The following EIF4G2 variants were observed in gnomAD, a reference collection of about 807,000 sequenced individuals.
The protein encoded by EIF4G2 is DAP-5.
EIF4G2 carries 8 observed loss-of-function variants against 117.7 expected under a neutral mutation model. The ratio of observed to expected loss-of-function variants is 0.07; its 90% CI spans 0.04 to 0.12. The LOEUF is 0.12. EIF4G2 is among the 10% of genes least tolerant of loss of function. The pLI, the probability that EIF4G2 is intolerant of heterozygous loss-of-function variation, is 1.00. For synonymous variants in EIF4G2, 413 were observed against 367.8 expected, an observed-to-expected ratio of 1.12 and a Z score of -1.41; for missense variants, 812 against 1,086.2, an observed-to-expected ratio of 0.75 and a Z score of 3.55.
chr11:10,807,122 A>G, intron 2 of EIF4G2, 133 bp downstream of exon 2: 1 of 1,357,732 alleles, frequency 7.4e-7, no homozygotes, highest in Non-Finnish European at 1.0e-6. Context: ...CAGTTCTTAG[A>G]AGGCTGTCAA....
rs1847586149 is a variant in EIF4G2, at chr11:10,806,806, C to G, written c.107+14G>C. On this transcript the variant is annotated intron_variant, in intron 3 of 21. Transcript: ENST00000339995. ...TTAAATAAAGCTCACTGTTTTTTTACATGTTTACCACACCTGTTGCCAGCA... is the reference window on the plus strand; with the variant it reads ...TTAAATAAAGCTCACTGTTTTTTTAGATGTTTACCACACCTGTTGCCAGCA... 1 of 1,613,316 alleles carries G rather than the reference C, an allele frequency of 6.2e-7. No homozygotes were observed. Among genetic ancestry groups the G allele is most frequent in the Non-Finnish European group, 8.5e-7 (1 of 1,179,530 alleles).
chr11:10,804,858 AGTT>A lies in EIF4G2; in HGVS notation c.351+52_351+54del. The A allele has an allele frequency of 2.8e-6, 4 of 1,443,380 alleles. No individual in the cohort carries two copies. In the Admixed American group the frequency reaches 6.9e-5, roughly 25 times the overall value. 89.4% of individuals were successfully genotyped at this position (1,443,380 alleles called of 1,614,324 possible). On this transcript the variant is annotated intron_variant, in intron 5 of 21. Transcript: ENST00000339995. The stretch of plus-strand genomic sequence containing the variant: ...TCCAAGTGTAAAAAAACACAACTTG[AGTT>A]TGTTAAACAGTTCCCTCTCCCTTTT...
rs1847605519 is a variant in EIF4G2, at chr11:10,807,307, G to C, written c.-12C>G. On this transcript the variant is annotated 5_prime_UTR_variant, in exon 2 of 22. Coordinates refer to ENST00000339995, the MANE Select transcript of EIF4G2 (RefSeq NM_001418.4). ...ATCGCACTCTCCACTTTGGCGGCTT[G>C]ACAACGAAGAATCTTCAAAAGAATA... 3 of 1,592,326 alleles carry C rather than the reference G, an allele frequency of 1.9e-6. No homozygotes were observed. The highest frequency in any genetic ancestry group is 2.6e-6 in the Non-Finnish European group (3 of 1,168,474).
intron 14 of EIF4G2, 88 bp downstream of exon 14, chr11:10,801,573 C>A: frequency 8.5e-7 from 1 of 1,174,506 alleles, no homozygotes; most frequent in Non-Finnish European, 1.3e-6. Context: ...GCATAAAGTC[C>A]TCTTAATAAC....
intron 2 of EIF4G2, 125 bp from the exon 3 acceptor site, chr11:10,807,010 G>T: frequency 8.1e-7 from 1 of 1,233,856 alleles, no homozygotes. Context: ...CCAGACTGGA[G>T]CCAGGCCTGT....
Position 10,802,109 on chromosome 11 carries a change from G to A in EIF4G2, c.1239C>T (p.His413=), listed in dbSNP as rs148508684. 1.7e-6 allele frequency: 2 copies of A among 1,171,206 alleles called. No homozygotes were observed. The highest frequency in any genetic ancestry group is 3.8e-5 in the African/African-American group (1 of 25,988). 72.6% of individuals were successfully genotyped at this position (1,171,206 alleles called of 1,614,324 possible). The stretch of plus-strand genomic sequence containing the variant: ...ACTGCGATTGTGTGGGAGGCATGAT[G>A]TGTCCCCCATGGCCATTGAAGAGTT... Residue 413 remains histidine (H), a synonymous_variant, in exon 13 of 22, where the codon CAC becomes CAT. Transcript: ENST00000339995.
chr11:10,800,924 G>A (rs1224637973), intron 15 of EIF4G2, 38 bp downstream of exon 15: 1 of 1,612,482 alleles, frequency 6.2e-7, no homozygotes, highest in Non-Finnish European at 8.5e-7. Flanking sequence ...AAAGTCTTCA[G>A]ATATCTTTAG....
rs764256258 is a variant in EIF4G2, at chr11:10,797,509, A to G, written c.*307T>C. On this transcript the variant is annotated 3_prime_UTR_variant, in exon 22 of 22. Coordinates refer to ENST00000339995, the MANE Select transcript of EIF4G2 (RefSeq NM_001418.4). The surrounding 1 kb of genome is among the most constrained non-coding windows in gnomAD (Gnocchi z 4.5). ...GTTTTCTAACTTAAAACAGCCTATG[A>G]TAACTGGCAGCAAAGAAGGTCCTTG... 2 of 306,404 alleles carry G rather than the reference A, an allele frequency of 6.5e-6. No homozygotes were observed. The highest frequency in any genetic ancestry group is 9.6e-5 in the Admixed American group (2 of 20,936). 19.0% of individuals were successfully genotyped at this position (306,404 alleles called of 1,614,324 possible). A position where few individuals can be genotyped will look rare whatever the true frequency, so the allele number is the denominator to read the frequency against.
At position 10,800,108 on chromosome 11, in the gene EIF4G2, T is replaced by C; in HGVS notation, c.2101A>G (p.Met701Val). ...CTCTTACCTGGGAGCATTTTCTGCA[T>C]ATTGACCTTGCTTTGTTGAAAAAGT... Residue 701 changes from methionine (M) to valine (V), a missense_variant, in exon 18 of 22, where the codon ATG (methionine) becomes GTG (valine). Met to Val is a conservative substitution (Grantham distance 21). This residue lies in a region of EIF4G2 where 571 missense variants were observed against 642.3 expected (regional missense o/e 0.89). Coordinates refer to ENST00000339995, the MANE Select transcript of EIF4G2 (RefSeq NM_001418.4). 1 of 1,613,738 alleles carries C rather than the reference T, an allele frequency of 6.2e-7. No homozygotes were observed. Among genetic ancestry groups the C allele is most frequent in the Non-Finnish European group, 8.5e-7 (1 of 1,179,890 alleles).
Position 10,807,285 on chromosome 11 carries a change from G to A in EIF4G2, c.11C>T (p.Ala4Val), listed in dbSNP as rs763090604. 6.2e-7 allele frequency: 1 copy of A among 1,612,220 alleles called. No individual in the cohort carries two copies. The highest frequency in any genetic ancestry group is 8.5e-7 in the Non-Finnish European group (1 of 1,179,328). ...ACGAGAAGCACCCCCTTCTGCAATC[G>A]CACTCTCCACTTTGGCGGCTTGACA... Residue 4 changes from alanine (A) to valine (V), a missense_variant, in exon 2 of 22, where the codon GCG becomes GTG. Physicochemically the swap from Ala to Val is moderately conservative, Grantham distance 64. Transcript: ENST00000339995.
chr11:10,806,739 T>C (rs1249662411), intron 3 of EIF4G2, 81 bp downstream of exon 3: 4 of 1,477,712 alleles, frequency 2.7e-6, no homozygotes, highest in South Asian at 2.3e-5. Flanking sequence ...TTGATGGCTA[T>C]TGCCTTAATT....
chr11:10,805,334 A>G (rs1847534690), intron 4 of EIF4G2, among the ~76,000 whole-genome samples: 1 of 152,240 alleles, frequency 6.6e-6, no homozygotes, highest in Non-Finnish European at 1.5e-5. Context: ...ACTGGCTTAA[A>G]TAACATAGCA....
Position 10,799,368 on chromosome 11 carries a change from G to A in EIF4G2, c.2381C>T (p.Ser794Phe). ...TAACTGTTCTTTGGAAGGAGCAGAG[G>A]ATGAATCTGTTTCATCGCTGGGGGG... The change falls in exon 20 of 22, where the codon TCC (serine) becomes TTC (phenylalanine). Residue 794 changes from serine (S) to phenylalanine (F), a missense_variant. Ser to Phe is a radical substitution (Grantham distance 155, BLOSUM62 -2). Around this residue, in one of 4 missense-constraint regions of EIF4G2, gnomAD observed 571 missense variants for 642.3 expected, o/e 0.89. Coordinates refer to ENST00000339995, the MANE Select transcript of EIF4G2 (RefSeq NM_001418.4). The A allele has an allele frequency of 1.2e-6, 2 of 1,613,202 alleles. No individual in the cohort carries two copies. The highest frequency in any genetic ancestry group is 1.1e-5 in the South Asian group (1 of 91,084).
intron 14 of EIF4G2, 138 bp downstream of exon 14, chr11:10,801,523 A>G (rs767511618): frequency 2.3e-6 from 2 of 864,826 alleles, no homozygotes; most frequent in South Asian, 1.3e-5. Context: ...AAAGAAAGAA[A>G]AAGAAGTATA....
chr11:10,802,104 A>T lies in EIF4G2; in HGVS notation c.1244T>A (p.Met415Lys). 6.2e-7 allele frequency: 1 copy of T among 1,614,300 alleles called. No individual in the cohort carries two copies. Among genetic ancestry groups the T allele is most frequent in the Non-Finnish European group, 8.5e-7 (1 of 1,180,058 alleles). Reference sequence around the variant, plus strand: ...TCCAAACTGCGATTGTGTGGGAGGCATGATGTGTCCCCCATGGCCATTGAA... The same window carrying T: ...TCCAAACTGCGATTGTGTGGGAGGCTTGATGTGTCCCCCATGGCCATTGAA... Residue 415 changes from methionine to lysine, a missense_variant, in exon 13 of 22, where the codon ATG becomes AAG. Around this residue, in one of 4 missense-constraint regions of EIF4G2, gnomAD observed 571 missense variants for 642.3 expected, o/e 0.89. Transcript: ENST00000339995.
At chr11:10,808,321 G>A (rs1359754391) in intron 1 of EIF4G2, 7 of 1,206,578 alleles carry the variant, frequency 5.8e-6, no homozygotes, top group Non-Finnish European at 6.3e-6. Context: ...CGGTTCCCTG[G>A]TCCCGCGCCA....
At position 10,797,949 on chromosome 11, in the gene EIF4G2, G is replaced by C. The variant is rs1045210071; in HGVS notation, c.2659-68C>G. Reference sequence around the variant, plus strand: ...ACAGAAATCCATCCAAAAAGTTTTAGGTGGTACTACACAGTTTTAGAATAT... The same window carrying C: ...ACAGAAATCCATCCAAAAAGTTTTACGTGGTACTACACAGTTTTAGAATAT... On this transcript the variant is annotated intron_variant, in intron 21 of 21. Transcript: ENST00000339995. The surrounding 1 kb of genome is among the most constrained non-coding windows in gnomAD (Gnocchi z 4.5). 8 of 1,425,728 alleles carry C rather than the reference G, an allele frequency of 5.6e-6. No homozygotes were observed. The highest frequency in any genetic ancestry group is 7.9e-6 in the Non-Finnish European group (8 of 1,016,668). The allele number at this position is 1,425,728 out of a possible 1,614,324, so 88.3% of individuals were successfully genotyped here.
intron 14 of EIF4G2, 94 bp downstream of exon 14, chr11:10,801,567 A>G (rs375935741): frequency 4.0e-5 from 44 of 1,104,836 alleles, no homozygotes; most frequent in Non-Finnish European, 5.8e-5. Context: ...ACTCCAGCAT[A>G]AAGTCCTCTT....
chr11:10,798,810 T>A (rs1263245474), intron 21 of EIF4G2, 182 bp downstream of exon 21: 2 of 727,764 alleles, frequency 2.7e-6, no homozygotes, highest in Non-Finnish European at 4.4e-6. Flanking sequence ...ACCACTAGAA[T>A]TGATTCATTG....
Sources: gnomAD v4.1 joint callset for allele counts (sites outside exome capture counted in the v4.1 genomes callset) on GRCh38, gnomAD v4.1.1 for gene constraint, gnomAD v4.1.1 regional missense constraint, Gnocchi (gnomAD v3.1) non-coding constraint, MANE v1.5 for transcripts, NCBI Gene and HGNC (gene_info 2026-07-23, HGNC 2026-07-21) for gene names.